Variants in PARD3B observed in about 807,000 individuals in gnomAD.
The protein encoded by PARD3B is par-3 family cell polarity regulator beta.
A neutral mutation model predicts 130.2 loss-of-function variants in PARD3B; 103 were observed. The observed-to-expected ratio is 0.79, with a 90% CI of 0.67 to 0.93. PARD3B has a LOEUF of 0.93. Ranked by LOEUF, PARD3B falls within the 40% of genes least tolerant of loss-of-function variation. The probability of loss-of-function intolerance (pLI) is 0.00; values close to 1 mark genes in which losing one functional copy is unlikely to be tolerated. For synonymous variants in PARD3B, 583 were observed against 553.2 expected (o/e 1.05, Z -0.76); for missense variants, 1,609 against 1,499.2 (o/e 1.07, Z -1.21).
At chr2:204,601,654 G>A (rs972426968) in intron 1 of PARD3B, among the ~76,000 whole-genome samples, 1 of 152,034 alleles carries the variant, frequency 6.6e-6, no homozygotes, top group Admixed American at 6.6e-5. Flanking sequence ...TAAGCAGTTC[G>A]TGAACTGCTG....
chr2:205,175,490 A>G (rs1336709164), intron 12 of PARD3B, among the ~76,000 whole-genome samples: 1 of 152,230 alleles, frequency 6.6e-6, no homozygotes, highest in Non-Finnish European at 1.5e-5. Context: ...CTAGCTCAAC[A>G]CTGAATTTTT....
intron 2 of PARD3B, among the ~76,000 whole-genome samples, chr2:204,914,063 T>C (rs1430626524): frequency 6.6e-6 from 1 of 152,096 alleles, no homozygotes; most frequent in Non-Finnish European, 1.5e-5. Context: ...TAACAGAACC[T>C]CCAACTGGCC....
Position 204,967,718 on chromosome 2 carries a change from G to A in PARD3B, c.394+2395G>A, listed in dbSNP as rs889121924. On this transcript the variant is annotated intron_variant, in intron 3 of 22. Transcript: ENST00000406610. The surrounding 1 kb of genome is among the most constrained non-coding windows in gnomAD (Gnocchi z 4.4). ...TCAGATAGCGAAGTTAAAGAAGGAAGCAACACAGCCAGCTTTGGTCTCCAC... is the reference window on the plus strand; with the variant it reads ...TCAGATAGCGAAGTTAAAGAAGGAAACAACACAGCCAGCTTTGGTCTCCAC... Among the ~76,000 whole-genome samples the A allele has an allele frequency of 1.1e-4, 17 of 152,344 alleles. No individual in the cohort carries two copies. Among genetic ancestry groups the A allele is most frequent in the African/African-American group, 4.1e-4 (17 of 41,590 alleles).
chr2:204,766,655 T>C (rs904570605), intron 2 of PARD3B, among the ~76,000 whole-genome samples: 3 of 151,948 alleles, frequency 2.0e-5, no homozygotes, highest in Non-Finnish European at 4.4e-5. Flanking sequence ...TTCATCCTCA[T>C]AACAATGAAA....
At chr2:205,514,832 TC>T (rs1257206378) in intron 21 of PARD3B, among the ~76,000 whole-genome samples, 813 of 42,372 alleles carry the variant, frequency 0.019, 12 homozygotes, top group African/African-American at 0.038. Flanking sequence ...TTCTTACAGT[TC>T]TTTTTTTTTT....
chr2:204,744,291 T>A (rs2040128625), intron 2 of PARD3B, among the ~76,000 whole-genome samples: 1 of 152,156 alleles, frequency 6.6e-6, no homozygotes, highest in South Asian at 2.1e-4. Context: ...TAAAACAGAA[T>A]GTGGACCCTC....
In PARD3B at chr2:205,193,379, C is replaced by G. The variant is rs1006979973; in HGVS notation, c.2140+59C>G. On this transcript the variant is annotated intron_variant, in intron 15 of 22. Coordinates refer to ENST00000406610, the MANE Select transcript of PARD3B (RefSeq NM_001302769.2). The stretch of plus-strand genomic sequence containing the variant: ...CTCCAGCCTCAGCCCATTTATCTTC[C>G]CAAATGTCCTGGTTTTGTTTCTTCA... 20 of 1,296,784 alleles carry G rather than the reference C, an allele frequency of 1.5e-5. 1 individual carries two copies. The Admixed American group carries it at 1.7e-4, about 11-fold the overall frequency. The allele number at this position is 1,296,784 out of a possible 1,614,324, so 80.3% of individuals were successfully genotyped here. A position where few individuals can be genotyped will look rare whatever the true frequency, so the allele number is the denominator to read the frequency against.
At chr2:205,376,821 G>A (rs2045075532) in intron 18 of PARD3B, among the ~76,000 whole-genome samples, 1 of 152,156 alleles carries the variant, frequency 6.6e-6, no homozygotes, top group African/African-American at 2.4e-5. Flanking sequence ...GAGGGTCTGG[G>A]GGAACAGCTG....
chr2:204,833,688 A>G (rs2043917689), intron 2 of PARD3B, among the ~76,000 whole-genome samples: 1 of 152,010 alleles, frequency 6.6e-6, no homozygotes, highest in South Asian at 2.1e-4. Context: ...AGCATGTAAG[A>G]CATGCCTTTT....
chr2:204,600,902 T>C (rs1374496110), intron 1 of PARD3B, among the ~76,000 whole-genome samples: 4 of 151,884 alleles, frequency 2.6e-5, no homozygotes, highest in East Asian at 1.9e-4. Flanking sequence ...GTTGAATCTT[T>C]CTGTCCAACT....
intron 2 of PARD3B, among the ~76,000 whole-genome samples, chr2:204,733,819 A>G (rs2125345747): frequency 6.6e-6 from 1 of 152,096 alleles, no homozygotes; most frequent in Middle Eastern, 3.4e-3. Context: ...TGGTATTACT[A>G]AACACACCCA....
chr2:205,478,538 T>C (rs964516761), intron 20 of PARD3B, among the ~76,000 whole-genome samples: 3 of 152,164 alleles, frequency 2.0e-5, no homozygotes, highest in Non-Finnish European at 4.4e-5. Flanking sequence ...TAAGGAGATG[T>C]TTTCGATTTT....
intron 18 of PARD3B, among the ~76,000 whole-genome samples, chr2:205,364,300 C>T (rs1470661496): frequency 1.6e-4 from 25 of 152,194 alleles, no homozygotes; most frequent in Admixed American, 1.6e-3. Flanking sequence ...CACTCATTTT[C>T]GGATTCTCCT....
At chr2:204,632,683 G>A (rs557454591) in intron 1 of PARD3B, among the ~76,000 whole-genome samples, 35 of 152,226 alleles carry the variant, frequency 2.3e-4, no homozygotes, top group African/African-American at 7.7e-4. Context: ...CTGTTCCTAC[G>A]GTTGCAGAGA....
chr2:204,857,027 C>CT (rs1475400803), intron 2 of PARD3B, among the ~76,000 whole-genome samples: 1 of 151,886 alleles, frequency 6.6e-6, no homozygotes, highest in Admixed American at 6.6e-5. Flanking sequence ...TGTTATGGGT[C>CT]TTTTCTTGTT....
At chr2:205,398,472 G>C (rs1305590035) in intron 18 of PARD3B, among the ~76,000 whole-genome samples, 1 of 152,176 alleles carries the variant, frequency 6.6e-6, no homozygotes, top group Non-Finnish European at 1.5e-5. Flanking sequence ...GATAGCATTA[G>C]AGCTGACAGT....
At chr2:204,912,520 A>G (rs2047277708) in intron 2 of PARD3B, among the ~76,000 whole-genome samples, 2 of 152,156 alleles carry the variant, frequency 1.3e-5, no homozygotes, top group African/African-American at 2.4e-5. Flanking sequence ...CTTTACTAAC[A>G]GTTTCATCAA....
At chr2:204,833,965 A>G (rs1004814269) in intron 2 of PARD3B, among the ~76,000 whole-genome samples, 123 of 152,192 alleles carry the variant, frequency 8.1e-4, no homozygotes, top group African/African-American at 3.0e-3. Context: ...ACAATCGCAG[A>G]AGCCTGTCTT....
chr2:205,080,041 G>T (rs1272881833), intron 4 of PARD3B, among the ~76,000 whole-genome samples: 1 of 151,958 alleles, frequency 6.6e-6, no homozygotes, highest in African/African-American at 2.4e-5. Flanking sequence ...TTTTATTATA[G>T]AATTAATATA....
Sources: allele counts gnomAD v4.1 joint callset (sites outside exome capture counted in the v4.1 genomes callset), GRCh38; gene constraint gnomAD v4.1.1; non-coding constraint Gnocchi (gnomAD v3.1); transcripts MANE v1.5; gene names NCBI Gene and HGNC (gene_info 2026-07-23, HGNC 2026-07-21).